The following PLXDC2 variants were observed in gnomAD, a reference collection of about 807,000 sequenced individuals.
PLXDC2 encodes plexin domain-containing protein 2.
Under a neutral mutation model 68.9 loss-of-function variants are expected in PLXDC2, and 40 were observed. The observed-to-expected ratio is 0.58, with a 90% confidence interval of 0.45 to 0.76. The LOEUF is 0.76. Ranked by LOEUF, PLXDC2 falls within the 30% of genes least tolerant of loss-of-function variation. PLXDC2 has a pLI of 0.00. For missense variants in PLXDC2, 644 were observed against 661.9 expected, an observed-to-expected ratio of 0.97 and a Z score of 0.30; for synonymous variants, 243 against 234.2, an observed-to-expected ratio of 1.04 and a Z score of -0.34.
At chr10:20,029,943 T>G (rs1159403433) in intron 2 of PLXDC2, among the ~76,000 whole-genome samples, 1 of 152,188 alleles carries the variant, frequency 6.6e-6, no homozygotes, top group Admixed American at 6.5e-5. Flanking sequence ...TTCTAAGATG[T>G]GATCCTAGAA....
chr10:20,169,400 G>A (rs188842443), intron 7 of PLXDC2, among the ~76,000 whole-genome samples: 6 of 152,206 alleles, frequency 3.9e-5, no homozygotes, highest in East Asian at 3.9e-4. Context: ...TTTTAACACC[G>A]TCATATATTC....
chr10:19,974,898 A>G (rs1834422417), intron 1 of PLXDC2, among the ~76,000 whole-genome samples: 1 of 152,170 alleles, frequency 6.6e-6, no homozygotes, highest in African/African-American at 2.4e-5. Flanking sequence ...TTGTTGAAGG[A>G]CCCAGGAAAA....
At position 19,816,887 on chromosome 10, in the gene PLXDC2, G is replaced by T. The variant is rs1036989727; in HGVS notation, c.-193G>T. On this transcript the variant is annotated 5_prime_UTR_variant, in exon 1 of 14. Coordinates refer to ENST00000377252, the MANE Select transcript of PLXDC2 (RefSeq NM_032812.9). ...AGAGAGCCTCAGAGGTCCGAAGAGC[G>T]CTGCGCTCCTACTCGCGTTCGCTTC... 9 of 598,398 alleles carry T rather than the reference G, an allele frequency of 1.5e-5. No homozygotes were observed. The highest frequency in any genetic ancestry group is 9.1e-5 in the Admixed American group (3 of 33,146). The allele number at this position is 598,398 out of a possible 1,614,324, so 37.1% of individuals were successfully genotyped here. A position where few individuals can be genotyped will look rare whatever the true frequency, so the allele number is the denominator to read the frequency against.
At chr10:20,083,344 G>C (rs1241788884) in intron 4 of PLXDC2, among the ~76,000 whole-genome samples, 1 of 152,036 alleles carries the variant, frequency 6.6e-6, no homozygotes, top group Non-Finnish European at 1.5e-5. Flanking sequence ...GGGCGAGGTG[G>C]CATGCGCCTG....
At chr10:19,925,512 G>A (rs896289094) in intron 1 of PLXDC2, among the ~76,000 whole-genome samples, 2 of 152,210 alleles carry the variant, frequency 1.3e-5, no homozygotes, top group Admixed American at 6.5e-5. Context: ...ATCTGATTAT[G>A]TATTTAATCA....
intron 1 of PLXDC2, among the ~76,000 whole-genome samples, chr10:19,940,346 G>C (rs931462044): frequency 1.3e-5 from 2 of 152,012 alleles, no homozygotes; most frequent in African/African-American, 4.8e-5. Flanking sequence ...CATTCAGAAT[G>C]ATATATAGAA....
At chr10:20,193,027 G>T (rs1834788212) in intron 9 of PLXDC2, among the ~76,000 whole-genome samples, 1 of 151,960 alleles carries the variant, frequency 6.6e-6, no homozygotes, top group Non-Finnish European at 1.5e-5. Flanking sequence ...AAATATAATG[G>T]TTTGCCCCAT....
chr10:19,839,049 G>T (rs141969009), intron 1 of PLXDC2, among the ~76,000 whole-genome samples: 1 of 152,082 alleles, frequency 6.6e-6, no homozygotes, highest in East Asian at 1.9e-4. Flanking sequence ...TTCCAGGCAC[G>T]GTGGTGGGTG....
intron 4 of PLXDC2, among the ~76,000 whole-genome samples, chr10:20,103,675 G>A (rs1338313375): frequency 1.4e-5 from 2 of 142,242 alleles, no homozygotes; most frequent in Admixed American, 7.5e-5. Flanking sequence ...ACGGAGTATC[G>A]TTGTCTCCCA....
In PLXDC2 at chr10:20,089,973, G is replaced by A. The variant is rs569924796; in HGVS notation, c.541+21734G>A. On this transcript the variant is annotated intron_variant, in intron 4 of 13. Transcript: ENST00000377252. ...TTTCAGATTAGAGGGAAGGCTCATC[G>A]TTGCCTTGACTTGGGCACCCTGGTA... 2.5e-4 allele frequency among the ~76,000 whole-genome samples: 38 copies of A among 152,192 alleles called. No individual in the cohort carries two copies. The East Asian group carries it at 6.0e-3, about 24-fold the overall frequency.
chr10:20,136,820 G>T (rs1302827028), intron 4 of PLXDC2, among the ~76,000 whole-genome samples: 1 of 152,188 alleles, frequency 6.6e-6, no homozygotes, highest in African/African-American at 2.4e-5. Context: ...TGATGAAGTA[G>T]AATATTTTAT....
At chr10:20,131,752 T>C (rs897255241) in intron 4 of PLXDC2, among the ~76,000 whole-genome samples, 1 of 152,146 alleles carries the variant, frequency 6.6e-6, no homozygotes, top group African/African-American at 2.4e-5. Context: ...AGTTACTCTT[T>C]TGTTTATTTA....
intron 13 of PLXDC2, among the ~76,000 whole-genome samples, chr10:20,251,559 C>T (rs1564367543): frequency 1.3e-5 from 2 of 151,900 alleles, no homozygotes; most frequent in South Asian, 2.1e-4. Flanking sequence ...ACATAGGTCA[C>T]GGAGATAAAT....
intron 7 of PLXDC2, among the ~76,000 whole-genome samples, chr10:20,176,119 T>A (rs569366328): frequency 6.6e-6 from 1 of 152,278 alleles, no homozygotes; most frequent in Admixed American, 6.5e-5. Context: ...TCAGGGACAT[T>A]GATGGATTTG....
At chr10:20,123,140 G>A (rs1465236154) in intron 4 of PLXDC2, among the ~76,000 whole-genome samples, 1 of 152,190 alleles carries the variant, frequency 6.6e-6, no homozygotes, top group Non-Finnish European at 1.5e-5. Flanking sequence ...AGGAGGGGAG[G>A]TGTGATAAAA....
chr10:19,878,224 T>C (rs918211733), intron 1 of PLXDC2, among the ~76,000 whole-genome samples: 1 of 151,778 alleles, frequency 6.6e-6, no homozygotes, highest in African/African-American at 2.4e-5. Context: ...TTTAAAGAGA[T>C]AGAGTCTCAC....
At chr10:20,082,482 T>C (rs549028511) in intron 4 of PLXDC2, among the ~76,000 whole-genome samples, 1 of 143,002 alleles carries the variant, frequency 7.0e-6, no homozygotes, top group African/African-American at 2.8e-5. Flanking sequence ...AAATAATACA[T>C]AATATCACTC....
chr10:19,925,511 T>C (rs1564630375), intron 1 of PLXDC2, among the ~76,000 whole-genome samples: 1 of 152,272 alleles, frequency 6.6e-6, no homozygotes, highest in Non-Finnish European at 1.5e-5. Flanking sequence ...TATCTGATTA[T>C]GTATTTAATC....
intron 1 of PLXDC2, among the ~76,000 whole-genome samples, chr10:19,847,140 A>G (rs1424340909): frequency 6.6e-6 from 1 of 152,134 alleles, no homozygotes; most frequent in Admixed American, 6.6e-5. Context: ...GTCAAACCAC[A>G]ACACTTCCCC....
Sources: allele counts gnomAD v4.1 joint callset (sites outside exome capture counted in the v4.1 genomes callset), GRCh38; gene constraint gnomAD v4.1.1; transcripts MANE v1.5; gene names NCBI Gene and HGNC (gene_info 2026-07-23, HGNC 2026-07-21).